Variants in HAAO observed in about 807,000 individuals in gnomAD.
The protein encoded by HAAO is 3-hydroxyanthranilate oxygenase.
A neutral mutation model predicts 46.2 loss-of-function variants in HAAO; 49 were observed. That is an observed-to-expected ratio of 1.06 (90% confidence interval 0.84 to 1.34). The LOEUF (loss-of-function observed/expected upper bound fraction) is 1.34. Among genes scored for constraint, HAAO ranks in the 40% most tolerant of loss-of-function variants. HAAO has a pLI of 0.00. For missense variants in HAAO, 408 were observed against 364.5 expected, an observed-to-expected ratio of 1.12 and a Z score of -0.97; for synonymous variants, 157 against 145.2, an observed-to-expected ratio of 1.08 and a Z score of -0.58.
At chr2:42,778,787 C>A (rs1671775149) in intron 4 of HAAO, among the ~76,000 whole-genome samples, 1 of 152,130 alleles carries the variant, frequency 6.6e-6, no homozygotes, top group Non-Finnish European at 1.5e-5. Context: ...GCATGGGAGA[C>A]TGTAAGGACC....
At chr2:42,775,790 G>A (rs2374442) in intron 4 of HAAO, among the ~76,000 whole-genome samples, 120,998 of 150,872 alleles carry the variant, frequency 0.8, 48,817 homozygotes, top group Middle Eastern at 0.94. Flanking sequence ...GTTTTTCCTT[G>A]TGGAACCCCA....
At chr2:42,788,867 A>G (rs7422835) in intron 1 of HAAO, 352,324 of 458,124 alleles carry the variant, frequency 0.77, 136,703 homozygotes, top group South Asian at 0.91. Context: ...CCAACAAGGG[A>G]AATGATGTGG....
At position 42,767,246 on chromosome 2, in the gene HAAO, C is replaced by T. The variant is rs1670729865; in HGVS notation, c.*191G>A. 8.1e-6 allele frequency: 5 copies of T among 616,458 alleles called. No homozygotes were observed. Among genetic ancestry groups the T allele is most frequent in the Non-Finnish European group, 2.9e-6 (1 of 341,766 alleles). 38.2% of individuals were successfully genotyped at this position (616,458 alleles called of 1,614,324 possible). A position where few individuals can be genotyped will look rare whatever the true frequency, so the allele number is the denominator to read the frequency against. On this transcript the variant is annotated 3_prime_UTR_variant, in exon 10 of 10. Coordinates refer to ENST00000294973, the MANE Select transcript of HAAO (RefSeq NM_012205.3). The stretch of plus-strand genomic sequence containing the variant: ...TGAGTCTGCCAGAGAAGATGGGGAG[C>T]TGCTGCCCGCCCAGGGGCATGGCAT...
chr2:42,788,895 C>T lies in HAAO; in HGVS notation c.81-288G>A. 3 of 405,128 alleles carry T rather than the reference C, an allele frequency of 7.4e-6. No individual in the cohort carries two copies. The South Asian group carries it at 8.6e-5, about 12-fold the overall frequency. 25.1% of individuals were successfully genotyped at this position (405,128 alleles called of 1,614,324 possible). On this transcript the variant is annotated intron_variant, in intron 1 of 9. Transcript: ENST00000294973. ...TGATGTGGTGGTGAATCTATGGCTTCATCAACCAGGATCACAGGATCAAGA... is the reference window on the plus strand; with the variant it reads ...TGATGTGGTGGTGAATCTATGGCTTTATCAACCAGGATCACAGGATCAAGA...
At chr2:42,790,081 G>C (rs1253578883) in intron 1 of HAAO, among the ~76,000 whole-genome samples, 1 of 152,110 alleles carries the variant, frequency 6.6e-6, no homozygotes, top group East Asian at 1.9e-4. Flanking sequence ...CTATGGGGGA[G>C]GTCTGAGCCC....
intron 1 of HAAO, among the ~76,000 whole-genome samples, chr2:42,792,220 GC>G (rs1469122636): frequency 2.6e-5 from 4 of 152,150 alleles, no homozygotes; most frequent in African/African-American, 9.7e-5. Context: ...ATCTCCTACA[GC>G]CTGAGAACCA....
chr2:42,768,197 T>C (rs976533599), intron 7 of HAAO, among the ~76,000 whole-genome samples: 6 of 152,216 alleles, frequency 3.9e-5, no homozygotes, highest in Non-Finnish European at 8.8e-5. Context: ...TGATGTGTGC[T>C]CATGCGAAGG....
intron 5 of HAAO, 76 bp downstream of exon 5, chr2:42,770,417 G>A (rs1416757539): frequency 8.8e-7 from 1 of 1,133,930 alleles, no homozygotes; most frequent in Non-Finnish European, 1.3e-6. Context: ...TGGGAGGGGA[G>A]ACTTTCTCCC....
At chr2:42,774,915 A>G (rs2119015) in intron 4 of HAAO, among the ~76,000 whole-genome samples, 122,336 of 151,990 alleles carry the variant, frequency 0.8, 49,580 homozygotes, top group Middle Eastern at 0.94. Context: ...CAAGGCCTCT[A>G]GAGTGGCTAA....
At chr2:42,783,161 ATC>A in intron 4 of HAAO, 151 bp downstream of exon 4, 1 of 602,342 alleles carries the variant, frequency 1.7e-6, no homozygotes, top group African/African-American at 1.8e-5. Flanking sequence ...CAAAGACAGG[ATC>A]TCCACTGCCT....
intron 2 of HAAO, among the ~76,000 whole-genome samples, chr2:42,787,738 C>A (rs1672495795): frequency 6.6e-6 from 1 of 152,122 alleles, no homozygotes; most frequent in African/African-American, 2.4e-5. Flanking sequence ...GATCCTGAAC[C>A]CCCAGAATGA....
chr2:42,775,904 G>T (rs1264571309), intron 4 of HAAO, among the ~76,000 whole-genome samples: 1 of 145,008 alleles, frequency 6.9e-6, no homozygotes, highest in African/African-American at 2.6e-5. Flanking sequence ...TTGTAACTGA[G>T]GTTACTCTTA....
At chr2:42,789,748 G>A (rs746750972) in intron 1 of HAAO, among the ~76,000 whole-genome samples, 6 of 152,132 alleles carry the variant, frequency 3.9e-5, no homozygotes, top group African/African-American at 1.2e-4. Flanking sequence ...GAACAAAAGG[G>A]TTCCCAAACT....
Position 42,767,367 on chromosome 2 carries a change from G to GT in HAAO, c.*69dup. 9.5e-7 allele frequency: 1 copy of GT among 1,057,628 alleles called. No homozygotes were observed. Among genetic ancestry groups the GT allele is most frequent in the Non-Finnish European group, 1.5e-6 (1 of 686,222 alleles). The allele number at this position is 1,057,628 out of a possible 1,614,324, so 65.5% of individuals were successfully genotyped here. On this transcript the variant is annotated 3_prime_UTR_variant, in exon 10 of 10. Coordinates refer to ENST00000294973, the MANE Select transcript of HAAO (RefSeq NM_012205.3). ...CAGAGAGGTAGTGGGGGCTGGGAGAGTTGTTTGGCAGGGATGGCACTCGAG... is the reference window on the plus strand; with the variant it reads ...CAGAGAGGTAGTGGGGGCTGGGAGAGTTTGTTTGGCAGGGATGGCACTCGAG...
intron 2 of HAAO, 52 bp downstream of exon 2, chr2:42,788,477 G>A: frequency 8.4e-7 from 1 of 1,191,102 alleles, no homozygotes. Flanking sequence ...CTCCCGCTAG[G>A]GCCAGGCTCC....
chr2:42,771,287 G>A (rs1253926189), intron 4 of HAAO, among the ~76,000 whole-genome samples: 1 of 151,894 alleles, frequency 6.6e-6, no homozygotes, highest in Non-Finnish European at 1.5e-5. Context: ...AAATAGCCAG[G>A]CATGCTGGCA....
intron 1 of HAAO, chr2:42,788,892 C>T: frequency 2.4e-6 from 1 of 410,324 alleles, no homozygotes; most frequent in Non-Finnish European, 4.5e-6. Context: ...GAATCTATGG[C>T]TTCATCAACC....
chr2:42,777,847 ATT>A (rs1439636507), intron 4 of HAAO, among the ~76,000 whole-genome samples: 1 of 152,096 alleles, frequency 6.6e-6, no homozygotes, highest in Non-Finnish European at 1.5e-5. Flanking sequence ...AAAGTGAACC[ATT>A]TTATCTAATT....
At chr2:42,789,373 T>C (rs1027157163) in intron 1 of HAAO, among the ~76,000 whole-genome samples, 3 of 152,028 alleles carry the variant, frequency 2.0e-5, no homozygotes, top group African/African-American at 7.2e-5. Context: ...TTGAGGCCAC[T>C]AGCCTGGCCA....
Sources: allele counts gnomAD v4.1 joint callset (sites outside exome capture counted in the v4.1 genomes callset), GRCh38; gene constraint gnomAD v4.1.1; transcripts MANE v1.5; gene names NCBI Gene and HGNC (gene_info 2026-07-23, HGNC 2026-07-21).